CENPE: variants seen among roughly 807,000 people sequenced by gnomAD.
CENPE encodes the protein centromere-associated protein E.
A neutral mutation model predicts 336.1 loss-of-function variants in CENPE; 145 were observed. That is an observed-to-expected ratio of 0.43 (90% CI 0.38 to 0.50). CENPE has a LOEUF of 0.50. CENPE is among the 20% of genes least tolerant of loss of function. CENPE has a pLI of 0.00. For synonymous variants in CENPE, 1,013 were observed against 984.8 expected (o/e 1.03, Z -0.54); for missense variants, 2,719 against 3,023.3 (o/e 0.90, Z 2.36).
chr4:103,144,473 A>C lies in CENPE; in HGVS notation c.5003T>G (p.Ile1668Arg). 6.2e-7 allele frequency: 1 copy of C among 1,614,076 alleles called. No homozygotes were observed. The highest frequency in any genetic ancestry group is 8.5e-7 in the Non-Finnish European group (1 of 1,180,018). ...TTCATGTAGTATCTGAGTCAACCTT[A>C]TATTCTCCGTTTCTATGTTTTCCAG... is the stretch of plus-strand genomic sequence containing the variant. ...LNLENIETENIRLTQILHENL... is the reference protein window; with the variant it reads ...LNLENIETENRRLTQILHENL... The change falls in exon 33 of 49, where the codon ATA (isoleucine) becomes AGA (arginine). Residue 1668 changes from isoleucine to arginine, a missense_variant. By Grantham distance (97) the Ile-to-Arg change is moderately conservative. This residue lies in a region of CENPE where 2,437 missense variants were observed against 2,513.3 expected (regional missense o/e 0.97). Transcript: ENST00000265148.
intron 5 of CENPE, 136 bp from the exon 6 acceptor site, chr4:103,194,820 G>T (rs938576843): frequency 1.6e-6 from 1 of 638,092 alleles, no homozygotes; most frequent in Non-Finnish European, 2.5e-6. Context: ...CTGTAGGAAT[G>T]TAACAAATAA....
At chr4:103,137,629 G>A (rs1183330998) in intron 39 of CENPE, among the ~76,000 whole-genome samples, 1 of 152,122 alleles carries the variant, frequency 6.6e-6, no homozygotes, top group Non-Finnish European at 1.5e-5. Flanking sequence ...AAACAAAAAT[G>A]TCCTTAGAGA....
rs374170314 is a variant in CENPE, at chr4:103,171,941, C to T, written c.1647+2795G>A. On this transcript the variant is annotated intron_variant, in intron 16 of 48. Coordinates refer to ENST00000265148, the MANE Select transcript of CENPE (RefSeq NM_001813.3). ...TGAATAAATAGAAAACCTGAACAGGCCAGTAATGAGAAAGGAGACTTGAAT... is the reference window on the plus strand; with the variant it reads ...TGAATAAATAGAAAACCTGAACAGGTCAGTAATGAGAAAGGAGACTTGAAT... Among the ~76,000 whole-genome samples, 33 of 151,948 alleles carry T rather than the reference C, an allele frequency of 2.2e-4. 1 individual carries two copies. In the South Asian group the frequency reaches 6.4e-3, roughly 30 times the overall value.
chr4:103,170,459 T>A (rs1755309727), intron 16 of CENPE, among the ~76,000 whole-genome samples: 1 of 152,172 alleles, frequency 6.6e-6, no homozygotes, highest in South Asian at 2.1e-4. Context: ...TCAATGATAA[T>A]CTGTTATCAG....
At chr4:103,149,656 A>T (rs1190517233) in intron 26 of CENPE, among the ~76,000 whole-genome samples, 1 of 152,188 alleles carries the variant, frequency 6.6e-6, no homozygotes, top group African/African-American at 2.4e-5. Flanking sequence ...TTGGATTAGG[A>T]TTGAGACGTG....
chr4:103,117,350 T>A (rs1750220685), intron 44 of CENPE, among the ~76,000 whole-genome samples: 1 of 152,204 alleles, frequency 6.6e-6, no homozygotes, highest in Non-Finnish European at 1.5e-5. Context: ...TTTATTTGTA[T>A]TGTACATTCT....
Position 103,153,179 on chromosome 4 carries a change from A to G in CENPE, c.3105T>C (p.Asp1035=), listed in dbSNP as rs750587900. The stretch of plus-strand genomic sequence containing the variant: ...TCCTTTGTTGCTCAATTATCTCATT[A>G]TCCTTAACATCTGCAGTTAGTGTTT... ...NTQTLTADVK[D]NEIIEQQRKI... is the part of the protein sequence containing the mutation. Residue 1035 remains aspartate (D), a synonymous_variant, in exon 25 of 49, where the codon GAT becomes GAC. Coordinates refer to ENST00000265148, the MANE Select transcript of CENPE (RefSeq NM_001813.3). 4 of 1,613,042 alleles carry G rather than the reference A, an allele frequency of 2.5e-6. No individual in the cohort carries two copies. In the Admixed American group the frequency reaches 6.7e-5, roughly 27 times the overall value.
chr4:103,177,938 C>T (rs1756017029), intron 13 of CENPE, among the ~76,000 whole-genome samples: 1 of 151,992 alleles, frequency 6.6e-6, no homozygotes, highest in African/African-American at 2.4e-5. Context: ...ACCTCTTGCT[C>T]TCATTGCCGT....
In CENPE at chr4:103,114,510, A is replaced by G; in HGVS notation, c.7485T>C (p.Val2495=). The G allele has an allele frequency of 6.2e-7, 1 of 1,611,818 alleles. No individual in the cohort carries two copies. Among genetic ancestry groups the G allele is most frequent in the East Asian group, 2.2e-5 (1 of 44,858 alleles). The change falls in exon 46 of 49, where the codon GTT becomes GTC. Residue 2495 remains valine (V), a synonymous_variant. Coordinates refer to ENST00000265148, the MANE Select transcript of CENPE (RefSeq NM_001813.3). Reference sequence around the variant, plus strand: ...TGAGATTTTCTCTCAATAGCCTTATAACTTCCTTTTGATATTCTACAGTGG... The same window carrying G: ...TGAGATTTTCTCTCAATAGCCTTATGACTTCCTTTTGATATTCTACAGTGG... The part of the protein sequence containing the change: ...TKATVEYQKE[V]IRLLRENLRR...
rs111705414 is a variant in CENPE at position 103,164,384 on chromosome 4, G to T, written c.1648-831C>A. On this transcript the variant is annotated intron_variant, in intron 16 of 48. Transcript: ENST00000265148. The stretch of plus-strand genomic sequence containing the variant: ...AAAAGCAAATTCTAATAGTATGTAA[G>T]GGGCTTGAAAATAGTATCTTATTTA... Among the ~76,000 whole-genome samples, 515 of 152,168 alleles carry T rather than the reference G, an allele frequency of 3.4e-3. 4 individuals carry two copies. Among genetic ancestry groups the T allele is most frequent in the African/African-American group, 0.012 (490 of 41,572 alleles).
chr4:103,142,478 T>G (rs972364180), intron 34 of CENPE, among the ~76,000 whole-genome samples: 2 of 152,214 alleles, frequency 1.3e-5, no homozygotes, highest in Non-Finnish European at 2.9e-5. Context: ...TTACTTTAGC[T>G]TCTATTTCTC....
intron 42 of CENPE, among the ~76,000 whole-genome samples, chr4:103,132,068 T>C (rs1751632392): frequency 6.6e-6 from 1 of 152,188 alleles, no homozygotes; most frequent in African/African-American, 2.4e-5. Context: ...GAATGTACTA[T>C]GCCAAGTGTG....
chr4:103,114,257 G>C (rs575142129), intron 46 of CENPE, among the ~76,000 whole-genome samples, 198 bp downstream of exon 46: 1 of 152,192 alleles, frequency 6.6e-6, no homozygotes, highest in South Asian at 2.1e-4. Flanking sequence ...AATCTATAAT[G>C]GATAAGCATC....
At chr4:103,139,713 A>G (rs1211301855) in intron 38 of CENPE, 76 bp downstream of exon 38, 2 of 1,323,328 alleles carry the variant, frequency 1.5e-6, no homozygotes, top group Admixed American at 2.4e-5. Context: ...AGAAAGAAAT[A>G]AAAACATTGT....
chr4:103,143,088 G>A (rs888501239), intron 34 of CENPE, among the ~76,000 whole-genome samples, 160 bp downstream of exon 34: 7 of 151,170 alleles, frequency 4.6e-5, no homozygotes, highest in African/African-American at 1.7e-4. Context: ...AATAAGTTAG[G>A]ATTATCAGTA....
In CENPE at chr4:103,133,689, T is replaced by G. The variant is rs1162091006; in HGVS notation, c.6720+6A>C. The G allele has an allele frequency of 6.5e-7, 1 of 1,547,232 alleles. No individual in the cohort carries two copies. Among genetic ancestry groups the G allele is most frequent in the Non-Finnish European group, 8.9e-7 (1 of 1,129,488 alleles). ...TCTAACTAAATCCATTTAAAATAAA[T>G]TATACCTCAATATGTAGATCCATAT... is the stretch of plus-strand genomic sequence containing the variant. On this transcript the variant is annotated splice_donor_region_variant and intron_variant, in intron 41 of 48. Transcript: ENST00000265148.
At chr4:103,144,094 G>A (rs1215193578) in intron 33 of CENPE, among the ~76,000 whole-genome samples, 3 of 151,960 alleles carry the variant, frequency 2.0e-5, no homozygotes, top group East Asian at 1.9e-4. Flanking sequence ...CCACCACCAC[G>A]CCTGCCTAAT....
intron 43 of CENPE, among the ~76,000 whole-genome samples, chr4:103,121,753 G>T (rs1246785186): frequency 6.6e-6 from 1 of 151,774 alleles, no homozygotes; most frequent in Non-Finnish European, 1.5e-5. Flanking sequence ...TAGAGACAGG[G>T]TCTCACTATG....
chr4:103,177,109 G>A (rs1206705419), intron 13 of CENPE, 63 bp from the exon 14 acceptor site: 2 of 1,333,030 alleles, frequency 1.5e-6, no homozygotes, highest in Non-Finnish European at 2.0e-6. Context: ...TAAAACAAGG[G>A]AACTAGTTTC....
Sources: allele counts gnomAD v4.1 joint callset (sites outside exome capture counted in the v4.1 genomes callset), GRCh38; gene constraint gnomAD v4.1.1; regional missense constraint gnomAD v4.1.1; transcripts MANE v1.5; gene names NCBI Gene and HGNC (gene_info 2026-07-23, HGNC 2026-07-21).